DDX10: variants seen among roughly 807,000 people sequenced by gnomAD.
DDX10 encodes DEAD-box helicase 10.
A neutral mutation model predicts 104.3 loss-of-function variants in DDX10; 74 were observed. The observed-to-expected ratio is 0.71, with a 90% CI of 0.59 to 0.86. The LOEUF (loss-of-function observed/expected upper bound fraction) is 0.86, where lower values mean the gene tolerates loss of function less well. DDX10 is among the 40% of genes least tolerant of loss of function. The pLI, the probability that DDX10 is intolerant of heterozygous loss-of-function variation, is 0.00. For missense variants in DDX10, 952 were observed against 1,040.0 expected (o/e 0.92, Z 1.16); for synonymous variants, 351 against 353.4 (o/e 0.99, Z 0.08).
chr11:108,740,085 AGG>A (rs1475665722), intron 13 of DDX10, among the ~76,000 whole-genome samples: 1 of 151,574 alleles, frequency 6.6e-6, no homozygotes, highest in Non-Finnish European at 1.5e-5. Context: ...TTTCATCACC[AGG>A]TGATAAGCAT....
intron 13 of DDX10, among the ~76,000 whole-genome samples, chr11:108,797,879 T>C (rs892872022): frequency 1.3e-5 from 2 of 152,230 alleles, no homozygotes; most frequent in African/African-American, 4.8e-5. Flanking sequence ...TTGTACAGTT[T>C]GTTGCCCCTT....
intron 13 of DDX10, among the ~76,000 whole-genome samples, chr11:108,784,698 A>C (rs1264104976): frequency 6.6e-6 from 1 of 152,164 alleles, no homozygotes; most frequent in Non-Finnish European, 1.5e-5. Context: ...TCGTTTAATT[A>C]GGTCCCGTTT....
At chr11:108,751,483 A>C (rs1336421561) in intron 13 of DDX10, among the ~76,000 whole-genome samples, 1 of 152,104 alleles carries the variant, frequency 6.6e-6, no homozygotes, top group Non-Finnish European at 1.5e-5. Context: ...TTAATATATT[A>C]TGAAAGTCAA....
intron 13 of DDX10, among the ~76,000 whole-genome samples, chr11:108,799,198 T>C (rs1861985285): frequency 6.6e-6 from 1 of 152,200 alleles, no homozygotes; most frequent in Non-Finnish European, 1.5e-5. Context: ...TTCTCCTTTT[T>C]CCTAAATGTG....
chr11:108,797,640 C>T (rs1285460360), intron 13 of DDX10, among the ~76,000 whole-genome samples: 1 of 152,184 alleles, frequency 6.6e-6, no homozygotes, highest in Non-Finnish European at 1.5e-5. Context: ...TTGCATCTAT[C>T]ATATAATTTG....
At chr11:108,716,461 CGTAA>C (rs1357400558) in intron 11 of DDX10, among the ~76,000 whole-genome samples, 4 of 152,012 alleles carry the variant, frequency 2.6e-5, no homozygotes, top group Admixed American at 2.0e-4. Context: ...GAAAAATCAT[CGTAA>C]GTTTTTTCAA....
In DDX10 at chr11:108,665,132, A is replaced by AGCTGTCGCC. The variant is rs771483656; in HGVS notation, c.-19_-11dup. 2 of 1,595,816 alleles carry AGCTGTCGCC rather than the reference A, an allele frequency of 1.3e-6. No individual in the cohort carries two copies. Among genetic ancestry groups the AGCTGTCGCC allele is most frequent in the Admixed American group, 3.5e-5 (2 of 57,150 alleles). On this transcript the variant is annotated 5_prime_UTR_variant, in exon 1 of 18. Coordinates refer to ENST00000322536, the MANE Select transcript of DDX10 (RefSeq NM_004398.4). ...GTGTCTCGTGTCTGGGGTTGATCCGAGCTGTCGCCGCCGCCGCCGCAATGG... is the reference window on the plus strand; with the variant it reads ...GTGTCTCGTGTCTGGGGTTGATCCGAGCTGTCGCCGCTGTCGCCGCCGCCGCCGCAATGG...
rs185883529 is a variant in DDX10, at chr11:108,911,320, C to T, written c.2305-6553C>T. On this transcript the variant is annotated intron_variant, in intron 16 of 17. Transcript: ENST00000322536. ...TAGATTGGGGGTAATTTATAAACAA[C>T]AGAAGTTAACTGCTTGCAGTTCTAG... Among the ~76,000 whole-genome samples the T allele has an allele frequency of 2.0e-5, 3 of 152,244 alleles. No individual in the cohort carries two copies. In the East Asian group the frequency reaches 5.8e-4, roughly 29 times the overall value.
At chr11:108,933,971 TC>T (rs1864006520) in intron 17 of DDX10, among the ~76,000 whole-genome samples, 1 of 152,228 alleles carries the variant, frequency 6.6e-6, no homozygotes, top group South Asian at 2.1e-4. Flanking sequence ...ACAGTTTTTG[TC>T]CTTAGGGAAC....
At chr11:108,855,042 G>C (rs755975507) in intron 16 of DDX10, among the ~76,000 whole-genome samples, 3 of 152,060 alleles carry the variant, frequency 2.0e-5, no homozygotes, top group Non-Finnish European at 2.9e-5. Context: ...AGGTTTGCTG[G>C]GTACCTAATA....
intron 13 of DDX10, chr11:108,767,830 A>AC (rs1297500880): frequency 6.6e-6 from 1 of 152,076 alleles, no homozygotes; most frequent in Non-Finnish European, 1.5e-5. Flanking sequence ...AATAAAAGTA[A>AC]CCCCAAGTGT....
Position 108,678,327 on chromosome 11 carries a change from G to C in DDX10, c.550G>C (p.Glu184Gln). 1 of 1,608,032 alleles carries C rather than the reference G, an allele frequency of 6.2e-7. No homozygotes were observed. Among genetic ancestry groups the C allele is most frequent in the Non-Finnish European group, 8.5e-7 (1 of 1,177,670 alleles). Residue 184 changes from glutamate (E) to glutamine (Q), a missense_variant, in exon 5 of 18, where the codon GAA (glutamate) becomes CAA (glutamine). Physicochemically the swap from Glu to Gln is conservative, Grantham distance 29 (BLOSUM62 2). Around this residue, in one of 3 missense-constraint regions of DDX10, gnomAD observed 412 missense variants for 479.2 expected, o/e 0.86. Coordinates refer to ENST00000322536, the MANE Select transcript of DDX10 (RefSeq NM_004398.4). ...TAACTGTTTTCAGGATCTAAAACACGAAGCTGAGAGGATCAACAACATAAA... is the reference window on the plus strand; with the variant it reads ...TAACTGTTTTCAGGATCTAAAACACCAAGCTGAGAGGATCAACAACATAAA... ...LIIGGKDLKH[E>Q]AERINNINIL...
intron 13 of DDX10, among the ~76,000 whole-genome samples, chr11:108,759,048 C>T (rs980392985): frequency 1.3e-5 from 2 of 151,972 alleles, no homozygotes; most frequent in African/African-American, 2.4e-5. Context: ...AATGAAAATA[C>T]CACCTATAGT....
At chr11:108,824,466 T>C (rs898116615) in intron 13 of DDX10, among the ~76,000 whole-genome samples, 2 of 152,192 alleles carry the variant, frequency 1.3e-5, no homozygotes, top group African/African-American at 2.4e-5. Context: ...TTTTTTATTT[T>C]TATTTTTTTG....
intron 13 of DDX10, among the ~76,000 whole-genome samples, chr11:108,803,327 C>T (rs552022377): frequency 1.3e-5 from 2 of 151,368 alleles, no homozygotes; most frequent in South Asian, 2.1e-4. Context: ...GCCACGGCGG[C>T]TCACGCCTGT....
intron 13 of DDX10, among the ~76,000 whole-genome samples, chr11:108,754,291 A>G (rs1180811111): frequency 1.3e-5 from 2 of 152,058 alleles, no homozygotes; most frequent in Admixed American, 6.6e-5. Context: ...TCTAAGTAGC[A>G]TGAATTATTT....
chr11:108,780,176 A>G (rs144469076), intron 13 of DDX10, among the ~76,000 whole-genome samples: 113 of 152,236 alleles, frequency 7.4e-4, no homozygotes, highest in Non-Finnish European at 1.4e-3. Flanking sequence ...TTCCAAAAAT[A>G]AAATGCCAAT....
At position 108,677,335 on chromosome 11, in the gene DDX10, A is replaced by G. The variant is rs942036038; in HGVS notation, c.537+92A>G. ...CAGGGAGGCAGCAGAGACTTCATCT[A>G]AACAGACTGACCTAGACCAGGGCCT... On this transcript the variant is annotated intron_variant, in intron 4 of 17. Transcript: ENST00000322536. 1.5e-5 allele frequency: 18 copies of G among 1,194,646 alleles called. No individual in the cohort carries two copies. In the African/African-American group the frequency reaches 2.7e-4, roughly 18 times the overall value. 74.0% of individuals were successfully genotyped at this position (1,194,646 alleles called of 1,614,324 possible).
chr11:108,768,864 T>C (rs2094359509), intron 13 of DDX10, among the ~76,000 whole-genome samples: 1 of 152,202 alleles, frequency 6.6e-6, no homozygotes, highest in Admixed American at 6.5e-5. Context: ...TATTTAAAAA[T>C]ACCATATTTT....
Sources: allele counts gnomAD v4.1 joint callset (sites outside exome capture counted in the v4.1 genomes callset), GRCh38; gene constraint gnomAD v4.1.1; regional missense constraint gnomAD v4.1.1; transcripts MANE v1.5; gene names NCBI Gene and HGNC (gene_info 2026-07-23, HGNC 2026-07-21).